The following HCN1 variants were observed in gnomAD, a reference collection of about 807,000 sequenced individuals.
The protein encoded by HCN1 is potassium/sodium hyperpolarization-activated cyclic nucleotide-gated channel 1.
In HCN1, 13 loss-of-function variants were observed where a neutral mutation model predicts 78.9. The observed-to-expected ratio is 0.16, with a 90% CI of 0.11 to 0.26. HCN1 has a LOEUF of 0.26. Ranked by LOEUF, HCN1 falls within the 10% of genes least tolerant of loss-of-function variation. HCN1 has a pLI of 1.00. For missense variants in HCN1, 810 were observed against 1,154.3 expected (o/e 0.70, Z 4.32); for synonymous variants, 552 against 455.5 (o/e 1.21, Z -2.70).
chr5:45,617,215 T>G (rs1308045922), intron 2 of HCN1: 2 of 152,114 alleles, frequency 1.3e-5, no homozygotes, highest in African/African-American at 2.4e-5. Flanking sequence ...ATGTGTGACC[T>G]TGGACAAGTT....
chr5:45,310,121 T>C (rs1442244078), intron 5 of HCN1, among the ~76,000 whole-genome samples: 1 of 151,960 alleles, frequency 6.6e-6, no homozygotes, highest in Non-Finnish European at 1.5e-5. Flanking sequence ...GATTTTATAA[T>C]GAAGACCCCA....
intron 3 of HCN1, among the ~76,000 whole-genome samples, chr5:45,407,407 G>A (rs181559165): frequency 1.3e-5 from 2 of 152,200 alleles, no homozygotes; most frequent in African/African-American, 4.8e-5. Flanking sequence ...ACGAGTTTAT[G>A]TATTTAGTAT....
intron 1 of HCN1, among the ~76,000 whole-genome samples, chr5:45,668,967 AAAG>A (rs1290027366): frequency 1.3e-5 from 2 of 151,866 alleles, no homozygotes; most frequent in Non-Finnish European, 1.5e-5. Context: ...GGCATAGTTG[AAAG>A]AAGATTAGAA....
chr5:45,311,156 C>T (rs960978367), intron 5 of HCN1, among the ~76,000 whole-genome samples: 2 of 151,942 alleles, frequency 1.3e-5, no homozygotes, highest in Admixed American at 6.6e-5. Flanking sequence ...GCACATGCAC[C>T]CTTGAACTTA....
At chr5:45,360,661 G>C (rs1032881482) in intron 4 of HCN1, among the ~76,000 whole-genome samples, 1 of 151,740 alleles carries the variant, frequency 6.6e-6, no homozygotes, top group African/African-American at 2.4e-5. Flanking sequence ...AAAATGTGTT[G>C]CTGGTTATTT....
chr5:45,301,586 G>T (rs2111901421), intron 6 of HCN1, among the ~76,000 whole-genome samples: 1 of 151,450 alleles, frequency 6.6e-6, no homozygotes, highest in East Asian at 2.0e-4. Flanking sequence ...GCAGGGCATG[G>T]GGACACATGC....
At chr5:45,578,588 C>T (rs1743994081) in intron 2 of HCN1, among the ~76,000 whole-genome samples, 1 of 151,980 alleles carries the variant, frequency 6.6e-6, no homozygotes, top group African/African-American at 2.4e-5. Flanking sequence ...ACTCCTGAAT[C>T]ATCATAGCTC....
At chr5:45,670,400 G>A (rs2112074395) in intron 1 of HCN1, among the ~76,000 whole-genome samples, 1 of 151,700 alleles carries the variant, frequency 6.6e-6, no homozygotes, top group African/African-American at 2.4e-5. Context: ...TCCAACTTCT[G>A]GCCCTATGCT....
chr5:45,468,588 A>AT (rs940083004), intron 2 of HCN1, among the ~76,000 whole-genome samples: 2 of 151,958 alleles, frequency 1.3e-5, no homozygotes, highest in Non-Finnish European at 2.9e-5. Flanking sequence ...ATGCATACAT[A>AT]TTTTTTGCAT....
chr5:45,686,687 T>C (rs1253003134), intron 1 of HCN1, among the ~76,000 whole-genome samples: 1 of 152,214 alleles, frequency 6.6e-6, no homozygotes, highest in Admixed American at 6.5e-5. Flanking sequence ...CTCTACAAAA[T>C]ATGAAAGTCA....
At chr5:45,361,027 A>AATTTT (rs907118829) in intron 4 of HCN1, among the ~76,000 whole-genome samples, 6 of 152,032 alleles carry the variant, frequency 3.9e-5, no homozygotes, top group East Asian at 1.9e-4. Context: ...AACTGAATGT[A>AATTTT]ATTTTATTTT....
intron 5 of HCN1, among the ~76,000 whole-genome samples, chr5:45,341,575 T>G (rs149315183): frequency 1.3e-5 from 2 of 152,054 alleles, no homozygotes; most frequent in Non-Finnish European, 2.9e-5. Flanking sequence ...TGCCAAGAGA[T>G]GGAAGTGGTC....
rs973129243 is a variant in HCN1 at position 45,497,274 on chromosome 5, G to A, written c.850-35267C>T. ...GGTATCCTTGTTGACTTTCTGTCTC[G>A]TTGATCTGTCTAATGTTGACAGTGG... On this transcript the variant is annotated intron_variant, in intron 2 of 7. Transcript: ENST00000303230. Among the ~76,000 whole-genome samples the A allele has an allele frequency of 2.3e-4, 35 of 149,948 alleles. 1 individual carries two copies. The highest frequency in any genetic ancestry group is 8.3e-4 in the South Asian group (4 of 4,816).
intron 2 of HCN1, chr5:45,559,394 A>C (rs901074187): frequency 2.0e-5 from 3 of 152,208 alleles, no homozygotes; most frequent in African/African-American, 7.2e-5. Context: ...TCTGGAAAGA[A>C]TTCACCATCC....
intron 1 of HCN1, among the ~76,000 whole-genome samples, chr5:45,664,424 A>C (rs1446994079): frequency 6.8e-6 from 1 of 146,190 alleles, no homozygotes; most frequent in Non-Finnish European, 1.5e-5. Context: ...AACCTGCACA[A>C]TGTGCACATG....
intron 2 of HCN1, among the ~76,000 whole-genome samples, chr5:45,568,174 T>C (rs1309123830): frequency 6.6e-6 from 1 of 152,054 alleles, no homozygotes; most frequent in African/African-American, 2.4e-5. Flanking sequence ...ATTAAGAGTA[T>C]TTTCTCTTTC....
intron 2 of HCN1, among the ~76,000 whole-genome samples, chr5:45,525,719 G>T (rs969070849): frequency 5.3e-5 from 8 of 152,006 alleles, no homozygotes; most frequent in African/African-American, 1.9e-4. Flanking sequence ...TACAGAATTA[G>T]TCACCTACAT....
chr5:45,497,187 G>T (rs1273583558), intron 2 of HCN1, among the ~76,000 whole-genome samples: 19 of 152,132 alleles, frequency 1.2e-4, no homozygotes, highest in Non-Finnish European at 2.4e-4. Flanking sequence ...TGTTGATTTG[G>T]GATGGAGAAT....
intron 5 of HCN1, among the ~76,000 whole-genome samples, chr5:45,334,139 C>T (rs956125860): frequency 1.3e-5 from 2 of 151,740 alleles, no homozygotes; most frequent in African/African-American, 2.4e-5. Context: ...TAAAAACAAG[C>T]TTATATTTTA....
Sources: allele counts gnomAD v4.1 joint callset (sites outside exome capture counted in the v4.1 genomes callset), GRCh38; gene constraint gnomAD v4.1.1; transcripts MANE v1.5; gene names NCBI Gene and HGNC (gene_info 2026-07-23, HGNC 2026-07-21).